Variants in SAXO1 observed in about 807,000 individuals in gnomAD.
SAXO1 encodes the protein 4930500O09Rik.
Under a neutral mutation model 17.5 loss-of-function variants are expected in SAXO1, and 21 were observed. That is an observed-to-expected ratio of 1.20 (90% CI 0.85 to 1.72). SAXO1 has a LOEUF of 1.72. Among genes scored for constraint, SAXO1 ranks in the 40% most tolerant of loss-of-function variants. The pLI is 0.00. For missense variants in SAXO1, 843 were observed against 596.0 expected, an observed-to-expected ratio of 1.41 and a Z score of -4.32; for synonymous variants, 274 against 216.5, an observed-to-expected ratio of 1.27 and a Z score of -2.33.
intron 2 of SAXO1, among the ~76,000 whole-genome samples, chr9:18,945,070 T>C (rs10963853): frequency 0.1 from 15,405 of 152,142 alleles, 1,511 homozygotes; most frequent in African/African-American, 0.26. Context: ...CCTTTCTCCA[T>C]TGAGTGTTAC....
chr9:18,940,734 G>C (rs1431245080), intron 3 of SAXO1, among the ~76,000 whole-genome samples: 2 of 152,218 alleles, frequency 1.3e-5, no homozygotes, highest in African/African-American at 2.4e-5. Context: ...GAGCTCCATA[G>C]AGTGGCTGTC....
chr9:18,932,724 C>T (rs907282607), intron 3 of SAXO1, among the ~76,000 whole-genome samples: 4 of 152,166 alleles, frequency 2.6e-5, no homozygotes, highest in African/African-American at 9.7e-5. Context: ...TCGTTGGTAG[C>T]TTTCAGCATG....
At chr9:19,032,798 G>A (rs1835822682) in intron 1 of SAXO1, 73 bp downstream of exon 1, 2 of 1,538,028 alleles carry the variant, frequency 1.3e-6, no homozygotes, top group African/African-American at 1.4e-5. Flanking sequence ...GAAGCAGCTG[G>A]GGGAGGCTTC....
intron 1 of SAXO1, among the ~76,000 whole-genome samples, chr9:19,031,930 T>G (rs1045962627): frequency 3.9e-5 from 6 of 152,238 alleles, no homozygotes; most frequent in African/African-American, 1.2e-4. Context: ...TTTATATGCA[T>G]GTGTCATATT....
At chr9:18,956,806 A>G (rs1342195325) in intron 1 of SAXO1, among the ~76,000 whole-genome samples, 2 of 152,212 alleles carry the variant, frequency 1.3e-5, no homozygotes, top group Non-Finnish European at 1.5e-5. Flanking sequence ...TACGCACAAC[A>G]CGGGCTAAGT....
chr9:18,960,360 C>T (rs1832434271), intron 1 of SAXO1, among the ~76,000 whole-genome samples: 2 of 152,124 alleles, frequency 1.3e-5, no homozygotes, highest in Admixed American at 1.3e-4. Context: ...TGTTCTATCT[C>T]TTCACTACTC....
chr9:18,967,930 T>C (rs982477192), intron 1 of SAXO1, among the ~76,000 whole-genome samples: 1 of 152,116 alleles, frequency 6.6e-6, no homozygotes, highest in Non-Finnish European at 1.5e-5. Context: ...GTTGGAAAAG[T>C]GTAGTATCTG....
At chr9:19,028,708 T>G (rs1381895030) in intron 1 of SAXO1, among the ~76,000 whole-genome samples, 1 of 152,190 alleles carries the variant, frequency 6.6e-6, no homozygotes, top group African/African-American at 2.4e-5. Context: ...AAGTAGAGCA[T>G]TGTTGTGGAG....
chr9:19,008,451 T>G (rs1385336250), intron 1 of SAXO1, among the ~76,000 whole-genome samples: 1 of 152,158 alleles, frequency 6.6e-6, no homozygotes, highest in African/African-American at 2.4e-5. Flanking sequence ...ACCTTTACTT[T>G]CACAAATCAA....
intron 1 of SAXO1, chr9:19,027,118 A>T: frequency 1.0e-6 from 1 of 994,824 alleles, no homozygotes; most frequent in Non-Finnish European, 1.6e-6. Context: ...CTTGTCTCCA[A>T]CATCATCGAG....
At chr9:19,007,657 CAACA>C (rs1367889582) in intron 1 of SAXO1, among the ~76,000 whole-genome samples, 4 of 152,174 alleles carry the variant, frequency 2.6e-5, no homozygotes, top group Admixed American at 2.6e-4. Context: ...AATCAGGAGT[CAACA>C]AACTATGGCC....
chr9:19,027,987 C>A, intron 1 of SAXO1: 6 of 1,579,372 alleles, frequency 3.8e-6, no homozygotes, highest in Non-Finnish European at 5.2e-6. Context: ...CAGATGACTT[C>A]AACGGGGCCC....
At chr9:18,934,678 T>C (rs1831212016) in intron 3 of SAXO1, among the ~76,000 whole-genome samples, 1 of 152,264 alleles carries the variant, frequency 6.6e-6, no homozygotes, top group Non-Finnish European at 1.5e-5. Flanking sequence ...AGATACTTTC[T>C]GTTGACTGCT....
At chr9:19,010,873 C>A (rs557533290) in intron 1 of SAXO1, among the ~76,000 whole-genome samples, 1 of 152,170 alleles carries the variant, frequency 6.6e-6, no homozygotes, top group African/African-American at 2.4e-5. Context: ...TAATTACCAC[C>A]AAATATTGAA....
rs530315087 is a variant in SAXO1 at position 19,000,751 on chromosome 9, A to G, written c.38+32120T>C. Among the ~76,000 whole-genome samples the G allele has an allele frequency of 3.0e-3, 459 of 152,362 alleles. 8 individuals are homozygous for G. The South Asian group carries it at 0.044, about 15-fold the overall frequency. On this transcript the variant is annotated intron_variant, in intron 1 of 3. Transcript: ENST00000380534. ...TAAAGGAATGGAGGAAGATCTACCA[A>G]GCAAATGGAAAGCAAAAAAAAGCAG...
intron 1 of SAXO1, among the ~76,000 whole-genome samples, chr9:19,018,448 T>G (rs1835085163): frequency 6.6e-6 from 1 of 152,202 alleles, no homozygotes; most frequent in Non-Finnish European, 1.5e-5. Flanking sequence ...CCAAGGTGGG[T>G]GTGAAGTGGT....
At chr9:18,930,999 G>C (rs1432555054) in intron 3 of SAXO1, among the ~76,000 whole-genome samples, 1 of 152,226 alleles carries the variant, frequency 6.6e-6, no homozygotes, top group Non-Finnish European at 1.5e-5. Flanking sequence ...CACTAGTGGA[G>C]TCCGCAGGCA....
intron 1 of SAXO1, among the ~76,000 whole-genome samples, chr9:18,991,719 A>G (rs1336347347): frequency 6.6e-6 from 1 of 152,198 alleles, no homozygotes; most frequent in Non-Finnish European, 1.5e-5. Context: ...GTACAATTTA[A>G]AAAAATTAAA....
chr9:19,045,019 G>A (rs866411533), intron 1 of SAXO1, among the ~76,000 whole-genome samples: 1 of 151,494 alleles, frequency 6.6e-6, no homozygotes, highest in African/African-American at 2.4e-5. Context: ...TCTTTAAGAT[G>A]CAATTAGACG....
Sources: allele counts gnomAD v4.1 joint callset (sites outside exome capture counted in the v4.1 genomes callset), GRCh38; gene constraint gnomAD v4.1.1; transcripts MANE v1.5; gene names NCBI Gene and HGNC (gene_info 2026-07-23, HGNC 2026-07-21).